TDRD6: variants seen among roughly 807,000 people sequenced by gnomAD.
TDRD6 encodes the protein tudor domain-containing protein 6.
A neutral mutation model predicts 157.5 loss-of-function variants in TDRD6; 186 were observed. The ratio of observed to expected loss-of-function variants is 1.18; its 90% confidence interval spans 1.05 to 1.33. The LOEUF (loss-of-function observed/expected upper bound fraction) is 1.33, where lower values mean the gene tolerates loss of function less well. Among genes scored for constraint, TDRD6 ranks in the 40% most tolerant of loss-of-function variants. The probability of loss-of-function intolerance (pLI) is 0.00; values close to 1 mark genes in which losing one functional copy is unlikely to be tolerated. For missense variants in TDRD6, 3,066 were observed against 2,508.0 expected, an observed-to-expected ratio of 1.22 and a Z score of -4.75; for synonymous variants, 1,075 against 945.2, an observed-to-expected ratio of 1.14 and a Z score of -2.52.
In TDRD6 at chr6:46,688,971, G is replaced by A; in HGVS notation, c.843G>A (p.Glu281=). Residue 281 remains glutamate (E), a synonymous_variant, in exon 1 of 4, where the codon GAG becomes GAA. Transcript: ENST00000316081. The stretch of plus-strand genomic sequence containing the variant: ...CGCAGGAGATCCACCGCCTCTCCGA[G>A]AGCATGGCCCAGGTATACCGGGGTT... ...SVSQEIHRLS[E]SMAQVYRGST... The A allele has an allele frequency of 6.2e-7, 1 of 1,613,588 alleles. No homozygotes were observed. The highest frequency in any genetic ancestry group is 8.5e-7 in the Non-Finnish European group (1 of 1,179,698).
chr6:46,695,782 A>C, intron 1 of TDRD6, 39 bp from the exon 2 acceptor site: 1 of 1,591,520 alleles, frequency 6.3e-7, no homozygotes, highest in Non-Finnish European at 8.5e-7. Flanking sequence ...TAAGGAATTA[A>C]GAGATATGCA....
chr6:46,700,277 A>G (rs887045478), intron 3 of TDRD6, among the ~76,000 whole-genome samples: 1 of 152,190 alleles, frequency 6.6e-6, no homozygotes, highest in African/African-American at 2.4e-5. Context: ...GCCAGTTAGC[A>G]GACATATAGA....
Position 46,691,425 on chromosome 6 carries a change from A to G in TDRD6, c.3297A>G (p.Ser1099=), listed in dbSNP as rs370431754. 6.2e-7 allele frequency: 1 copy of G among 1,613,956 alleles called. No homozygotes were observed. Among genetic ancestry groups the G allele is most frequent in the Non-Finnish European group, 8.5e-7 (1 of 1,179,964 alleles). Reference sequence around the variant, plus strand: ...TGCCCATGCAAGCTGTCAGATGTTCATTATCTGATATTCCTGATCATATAC... The same window carrying G: ...TGCCCATGCAAGCTGTCAGATGTTCGTTATCTGATATTCCTGATCATATAC... ...LLLPMQAVRC[S]LSDIPDHIPE... Residue 1099 remains serine (S), a synonymous_variant, in exon 1 of 4, where the codon TCA becomes TCG. Transcript: ENST00000316081.
chr6:46,685,101 T>C (rs141355848), upstream of TDRD6, among the ~76,000 whole-genome samples: 9 of 151,682 alleles, frequency 5.9e-5, no homozygotes, highest in Non-Finnish European at 1.2e-4. Flanking sequence ...CTCCGTGAAA[T>C]GCCACTTCAT....
chr6:46,692,840 G>A lies in TDRD6; in HGVS notation c.4712G>A (p.Gly1571Glu). 2 of 1,614,016 alleles carry A rather than the reference G, an allele frequency of 1.2e-6. No individual in the cohort carries two copies. The highest frequency in any genetic ancestry group is 1.7e-6 in the Non-Finnish European group (2 of 1,179,942). The change falls in exon 1 of 4, where the codon GGA becomes GAA. Residue 1571 changes from glycine (G) to glutamate (E), a missense_variant. Coordinates refer to ENST00000316081, the MANE Select transcript of TDRD6 (RefSeq NM_001010870.3). ...RRNCIPCPYI[G>E]DPCIVRYRED... ...AATTGTATCCCATGTCCTTATATTG[G>A]AGATCCTTGTATAGTAAGATACAGA...
At chr6:46,701,136 ATCCCTC>A in intron 3 of TDRD6, 3 of 318,184 alleles carry the variant, frequency 9.4e-6, no homozygotes, top group Admixed American at 4.2e-5. Context: ...GTTATGCTGA[ATCCCTC>A]AAACAAAAAT....
Position 46,688,211 on chromosome 6 carries a change from T to C in TDRD6, c.83T>C (p.Ile28Thr). ...TTCGTGGACGTGCATCCCGATGTGA[T>C]CCCGGTGCAGCTGTGGGGGCTGGTG... ...VSFVDVHPDV[I>T]PVQLWGLVGE... Residue 28 changes from isoleucine to threonine, a missense_variant, in exon 1 of 4, where the codon ATC becomes ACC. Coordinates refer to ENST00000316081, the MANE Select transcript of TDRD6 (RefSeq NM_001010870.3). The C allele has an allele frequency of 6.5e-7, 1 of 1,542,574 alleles. No individual in the cohort carries two copies. Among genetic ancestry groups the C allele is most frequent in the Non-Finnish European group, 8.7e-7 (1 of 1,150,564 alleles).
Position 46,690,669 on chromosome 6 carries a change from CAA to C in TDRD6, c.2542_2543del (p.Asn848CysfsTer21), listed in dbSNP as rs1259972699. The C allele has an allele frequency of 6.2e-7, 1 of 1,614,098 alleles. No individual in the cohort carries two copies. Among genetic ancestry groups the C allele is most frequent in the Admixed American group, 1.7e-5 (1 of 60,014 alleles). ...GTGGGATACAGTCTGTGGAGCATGT[CAA>C]TGTAACATTTGTAGATTATGGAGAC... Reference protein sequence around the residue: ...ISGIQSVEHVNVTFVDYGDRE... With the variant: ...ISGIQSVEHVXVTFVDYGDRE... On this transcript the variant is annotated frameshift_variant, in exon 1 of 4. Coordinates refer to ENST00000316081, the MANE Select transcript of TDRD6 (RefSeq NM_001010870.3). LOFTEE classifies it high-confidence loss of function.
At chr6:46,685,121 C>T (rs1476501248), upstream of TDRD6, among the ~76,000 whole-genome samples, 1 of 151,558 alleles carries the variant, frequency 6.6e-6, no homozygotes, top group Non-Finnish European at 1.5e-5. Context: ...TATCTTTTGC[C>T]TATTTTCAAA....
At position 46,703,376 on chromosome 6, in the gene TDRD6, G is replaced by A. The variant is rs1000292088; in HGVS notation, c.*1489G>A. On this transcript the variant is annotated 3_prime_UTR_variant, in exon 4 of 4. Transcript: ENST00000316081. ...CTGGAATAATGAATAGACAAGTTTG[G>A]CTTACTCATATAGATAATATAATGT... 6 of 152,042 alleles carry A rather than the reference G, an allele frequency of 3.9e-5. No individual in the cohort carries two copies. The highest frequency in any genetic ancestry group is 1.4e-4 in the African/African-American group (6 of 41,434). 9.4% of individuals were successfully genotyped at this position (152,042 alleles called of 1,614,324 possible).
Position 46,691,961 on chromosome 6 carries a change from A to T in TDRD6, c.3833A>T (p.Glu1278Val), listed in dbSNP as rs777765310. ...KTARVEATLSERKIGDSCDKD... is the reference protein window; with the variant it reads ...KTARVEATLSVRKIGDSCDKD... ...GCAAGAGTAGAAGCTACTCTTTCAG[A>T]GAGAAAAATAGGAGATTCATGTGAC... The change falls in exon 1 of 4, where the codon GAG (glutamate) becomes GTG (valine). Residue 1278 changes from glutamate (E) to valine (V), a missense_variant. Transcript: ENST00000316081. 8.1e-6 allele frequency: 13 copies of T among 1,613,366 alleles called. No individual in the cohort carries two copies. Among genetic ancestry groups the T allele is most frequent in the Non-Finnish European group, 1.0e-5 (12 of 1,179,784 alleles).
upstream of TDRD6, among the ~76,000 whole-genome samples, chr6:46,686,069 C>G (rs944244724): frequency 6.6e-6 from 1 of 152,104 alleles, no homozygotes; most frequent in African/African-American, 2.4e-5. Flanking sequence ...CCCATAACGG[C>G]CACGTGATAT....
intron 3 of TDRD6, among the ~76,000 whole-genome samples, chr6:46,700,505 G>A (rs1371704739): frequency 6.6e-6 from 1 of 151,906 alleles, no homozygotes; most frequent in African/African-American, 2.4e-5. Flanking sequence ...TAAAAAAATG[G>A]TTTCTTATCT....
rs549944300 is a variant in TDRD6, at chr6:46,693,750, G to T, written c.5622G>T (p.Pro1874=). Residue 1874 remains proline, a synonymous_variant, in exon 1 of 4, where the codon CCG becomes CCT. Transcript: ENST00000316081. The stretch of plus-strand genomic sequence containing the variant: ...AAGGGGAGCTAAGCCCGGTGCCACC[G>T]AATGTGCCACTCTCCCAAGAGTGTG... ...EEKGELSPVP[P]NVPLSQECVT... 6.2e-7 allele frequency: 1 copy of T among 1,614,194 alleles called. No homozygotes were observed. Among genetic ancestry groups the T allele is most frequent in the South Asian group, 1.1e-5 (1 of 91,088 alleles).
At position 46,692,196 on chromosome 6, in the gene TDRD6, AGATAT is replaced by A. The variant is rs757994023; in HGVS notation, c.4075_4079del (p.Ile1359CysfsTer7). On this transcript the variant is annotated frameshift_variant, in exon 1 of 4. Transcript: ENST00000316081. LOFTEE classifies it high-confidence loss of function. ...ATGTAGGTCCACCTTTGCAAAGAGG[AGATAT>A]GATATGTGCTGTTTTCCCAGAAGAT... 9.9e-6 allele frequency: 16 copies of A among 1,614,062 alleles called. No individual in the cohort carries two copies. The highest frequency in any genetic ancestry group is 9.9e-5 in the South Asian group (9 of 91,078).
At chr6:46,696,712 C>G (rs1266597942) in intron 2 of TDRD6, among the ~76,000 whole-genome samples, 1 of 141,022 alleles carries the variant, frequency 7.1e-6, no homozygotes, top group African/African-American at 2.6e-5. Flanking sequence ...CCCAGGTTCA[C>G]ACCATTCTCC....
Position 46,701,987 on chromosome 6 carries a change from A to G in TDRD6, c.*100A>G, listed in dbSNP as rs149494397. The G allele has an allele frequency of 7.9e-3, 10,912 of 1,389,294 alleles. 70 individuals carry two copies. Among genetic ancestry groups the G allele is most frequent in the Middle Eastern group, 0.022 (120 of 5,498 alleles). The allele number at this position is 1,389,294 out of a possible 1,614,324, so 86.1% of individuals were successfully genotyped here. ...GTATTTGAGAAAATTGAAAACATGT[A>G]ACCACAAGAAGTTGTCATTTTCAAA... On this transcript the variant is annotated 3_prime_UTR_variant, in exon 4 of 4. Coordinates refer to ENST00000316081, the MANE Select transcript of TDRD6 (RefSeq NM_001010870.3).
Position 46,692,772 on chromosome 6 carries a change from A to G in TDRD6, c.4644A>G (p.Glu1548=), listed in dbSNP as rs1395425729. Residue 1548 remains glutamate, a synonymous_variant, in exon 1 of 4, where the codon GAA becomes GAG. Coordinates refer to ENST00000316081, the MANE Select transcript of TDRD6 (RefSeq NM_001010870.3). ...FADTEKLQCL[E]VEVQTAGEQV... ...ATACGGAGAAACTTCAGTGTTTAGA[A>G]GTAGAAGTACAGACTGCTGGAGAAC... is the stretch of plus-strand genomic sequence containing the variant. 29 of 1,613,474 alleles carry G rather than the reference A, an allele frequency of 1.8e-5. No homozygotes were observed. Among genetic ancestry groups the G allele is most frequent in the Non-Finnish European group, 2.5e-5 (29 of 1,180,010 alleles).
upstream of TDRD6, among the ~76,000 whole-genome samples, chr6:46,683,522 GAC>G (rs1764012322): frequency 6.6e-6 from 1 of 151,878 alleles, no homozygotes; most frequent in African/African-American, 2.4e-5. Context: ...TTCTTCAAAA[GAC>G]ACTATTTAAG....
Sources: allele counts gnomAD v4.1 joint callset (sites outside exome capture counted in the v4.1 genomes callset), GRCh38; gene constraint gnomAD v4.1.1; transcripts MANE v1.5; gene names NCBI Gene and HGNC (gene_info 2026-07-23, HGNC 2026-07-21).